The following ZNF385D variants were observed in gnomAD, a reference collection of about 807,000 sequenced individuals.
The protein encoded by ZNF385D is zinc finger protein 659.
In ZNF385D, 15 loss-of-function variants were observed where a neutral mutation model predicts 35.8. The ratio of observed to expected loss-of-function variants is 0.42; its 90% CI spans 0.28 to 0.64. The LOEUF (loss-of-function observed/expected upper bound fraction) is 0.64, where lower values mean the gene tolerates loss of function less well. Among genes scored for constraint, ZNF385D ranks in the 30% least tolerant of loss-of-function variants. ZNF385D has a pLI of 0.23. For missense variants in ZNF385D, 474 were observed against 494.6 expected (o/e 0.96, Z 0.39); for synonymous variants, 212 against 186.8 (o/e 1.13, Z -1.10).
chr3:21,789,310 C>T (rs764007218), intron 3 of ZNF385D, among the ~76,000 whole-genome samples: 30 of 152,182 alleles, frequency 2.0e-4, no homozygotes, highest in Middle Eastern at 3.4e-3. Context: ...GCAAGACACT[C>T]CTGTTATTAG....
At chr3:21,722,057 G>C (rs1340126547) in intron 1 of ZNF385D, among the ~76,000 whole-genome samples, 3 of 146,028 alleles carry the variant, frequency 2.1e-5, no homozygotes, top group Non-Finnish European at 4.5e-5. Context: ...CCAAGATCGT[G>C]CCACTGCACT....
At chr3:21,919,017 A>G (rs1700326341) in intron 3 of ZNF385D, among the ~76,000 whole-genome samples, 1 of 152,220 alleles carries the variant, frequency 6.6e-6, no homozygotes, top group Non-Finnish European at 1.5e-5. Context: ...TTTACTTGCT[A>G]TCAGATTGTT....
At chr3:22,027,754 C>T (rs1240833780) in intron 3 of ZNF385D, among the ~76,000 whole-genome samples, 1 of 152,166 alleles carries the variant, frequency 6.6e-6, no homozygotes, top group East Asian at 1.9e-4. Flanking sequence ...GCACAAGTTA[C>T]ATGAGAAAGT....
chr3:21,529,363 C>T (rs2061865170), intron 3 of ZNF385D, among the ~76,000 whole-genome samples: 1 of 152,104 alleles, frequency 6.6e-6, no homozygotes, highest in African/African-American at 2.4e-5. Context: ...TGAAAACTCT[C>T]CAAGATCTTA....
At chr3:21,843,868 C>A (rs996582234) in intron 3 of ZNF385D, among the ~76,000 whole-genome samples, 2 of 151,956 alleles carry the variant, frequency 1.3e-5, no homozygotes, top group Non-Finnish European at 1.5e-5. Context: ...TTATTCTAAT[C>A]ATCAACCACT....
At chr3:21,508,923 A>G (rs966284847) in intron 4 of ZNF385D, among the ~76,000 whole-genome samples, 3 of 150,834 alleles carry the variant, frequency 2.0e-5, no homozygotes, top group East Asian at 2.0e-4. Context: ...AGATGAAAGT[A>G]TCTAGTCACA....
intron 2 of ZNF385D, among the ~76,000 whole-genome samples, chr3:21,585,686 T>C (rs1279808726): frequency 1.3e-5 from 2 of 152,178 alleles, no homozygotes; most frequent in Non-Finnish European, 2.9e-5. Context: ...AATTTCAAAC[T>C]ACTCCAAAAC....
intron 1 of ZNF385D, among the ~76,000 whole-genome samples, chr3:21,730,877 G>A (rs1302183763): frequency 6.6e-6 from 1 of 152,128 alleles, no homozygotes; most frequent in Non-Finnish European, 1.5e-5. Context: ...GGTCATGGCT[G>A]CACCCTATTC....
chr3:21,758,832 G>T (rs985180203), intron 3 of ZNF385D, among the ~76,000 whole-genome samples: 32 of 151,676 alleles, frequency 2.1e-4, no homozygotes, highest in African/African-American at 7.8e-4. Flanking sequence ...GCAGACACTG[G>T]CCTCTCACTT....
At chr3:21,722,145 C>A (rs2068569264) in intron 1 of ZNF385D, among the ~76,000 whole-genome samples, 1 of 150,922 alleles carries the variant, frequency 6.6e-6, no homozygotes, top group African/African-American at 2.4e-5. Flanking sequence ...AGGAGAGCAG[C>A]AGGGGTGGTG....
chr3:22,342,564 A>G (rs1249793555), intron 2 of ZNF385D, among the ~76,000 whole-genome samples: 1 of 152,158 alleles, frequency 6.6e-6, no homozygotes, highest in East Asian at 1.9e-4. Context: ...GAAGTGTATG[A>G]CAATTACCCA....
intron 3 of ZNF385D, among the ~76,000 whole-genome samples, chr3:21,563,028 G>C (rs572053038): frequency 1.3e-5 from 2 of 152,264 alleles, no homozygotes; most frequent in African/African-American, 4.8e-5. Context: ...TTAAGTGCTG[G>C]TATGGTCTGA....
At chr3:22,082,792 C>T (rs1476293926) in intron 3 of ZNF385D, among the ~76,000 whole-genome samples, 1 of 152,184 alleles carries the variant, frequency 6.6e-6, no homozygotes, top group Non-Finnish European at 1.5e-5. Flanking sequence ...TGGGAGACAC[C>T]TCCCAGTAGG....
intron 3 of ZNF385D, among the ~76,000 whole-genome samples, chr3:21,953,978 A>G (rs1702175078): frequency 6.6e-6 from 1 of 152,094 alleles, no homozygotes; most frequent in Admixed American, 6.6e-5. Flanking sequence ...ATCGTGGATA[A>G]ATATAAGCTG....
In ZNF385D at chr3:21,458,732, A is replaced by C. The variant is rs185633447; in HGVS notation, c.440-21529T>G. Among the ~76,000 whole-genome samples, 3 of 150,562 alleles carry C rather than the reference A, an allele frequency of 2.0e-5. No individual in the cohort carries two copies. The East Asian group carries it at 6.0e-4, about 30-fold the overall frequency. On this transcript the variant is annotated intron_variant, in intron 4 of 7. Coordinates refer to ENST00000281523, the MANE Select transcript of ZNF385D (RefSeq NM_024697.3). ...TATTCTGTGATTCTATTTATAGGAA[A>C]TATCCAGCATAGGCAAATTTGGAGA...
chr3:21,816,914 C>G (rs1029023984), intron 3 of ZNF385D, among the ~76,000 whole-genome samples: 1 of 152,152 alleles, frequency 6.6e-6, no homozygotes, highest in East Asian at 1.9e-4. Context: ...GGAGGCATCA[C>G]ACTACCTGAC....
intron 1 of ZNF385D, among the ~76,000 whole-genome samples, chr3:21,666,483 T>A (rs1042704660): frequency 1.3e-5 from 2 of 152,160 alleles, no homozygotes; most frequent in African/African-American, 4.8e-5. Context: ...ATAACTGAAG[T>A]CTGTAATCAG....
At chr3:21,787,510 G>T (rs1237169075) in intron 3 of ZNF385D, among the ~76,000 whole-genome samples, 1 of 151,994 alleles carries the variant, frequency 6.6e-6, no homozygotes, top group Non-Finnish European at 1.5e-5. Context: ...CACACACACT[G>T]TCCTATGGAA....
At chr3:22,261,795 GTCTC>G (rs75040744) in intron 2 of ZNF385D, among the ~76,000 whole-genome samples, 1,794 of 151,994 alleles carry the variant, frequency 0.012, 39 homozygotes, top group South Asian at 0.09. Context: ...CAGCAATAAG[GTCTC>G]TCTCTGAGTT....
Sources: allele counts gnomAD v4.1 joint callset (sites outside exome capture counted in the v4.1 genomes callset), GRCh38; gene constraint gnomAD v4.1.1; transcripts MANE v1.5; gene names NCBI Gene and HGNC (gene_info 2026-07-23, HGNC 2026-07-21).